The following ANO6 variants were observed in gnomAD, a reference collection of about 807,000 sequenced individuals.
ANO6 encodes the protein anoctamin-6.
ANO6 carries 106 observed loss-of-function variants against 117.5 expected under a neutral mutation model. That is an observed-to-expected ratio of 0.90 (90% confidence interval 0.77 to 1.06). ANO6 has a LOEUF of 1.06. Among genes scored for constraint, ANO6 ranks in the 50% least tolerant of loss-of-function variants. ANO6 has a pLI of 0.00. For missense variants in ANO6, 955 were observed against 1,121.1 expected (o/e 0.85, Z 2.12); for synonymous variants, 367 against 385.1 (o/e 0.95, Z 0.55).
At chr12:45,386,646 T>G (rs1198255675) in intron 10 of ANO6, among the ~76,000 whole-genome samples, 1 of 152,190 alleles carries the variant, frequency 6.6e-6, no homozygotes, top group Non-Finnish European at 1.5e-5. Context: ...TACGTTAAAC[T>G]CTCTAAACTC....
downstream of ANO6, among the ~76,000 whole-genome samples, chr12:45,434,274 C>T (rs948485740): frequency 7.9e-5 from 12 of 152,114 alleles, no homozygotes; most frequent in Non-Finnish European, 1.8e-4. Context: ...TTGTCATTGT[C>T]GCTTGAGGTG....
At chr12:45,424,327 G>GT (rs66945216) in intron 19 of ANO6, among the ~76,000 whole-genome samples, 26,056 of 80,904 alleles carry the variant, frequency 0.32, 8,478 homozygotes, top group Non-Finnish European at 0.44. Flanking sequence ...TAGGTGATGG[G>GT]TTTTTTTTTT....
chr12:45,321,019 C>T (rs966465565), intron 2 of ANO6, among the ~76,000 whole-genome samples: 3 of 151,906 alleles, frequency 2.0e-5, no homozygotes, highest in Admixed American at 6.6e-5. Context: ...TGTCTCTGCA[C>T]GTGAGATGGG....
At chr12:45,356,485 G>C (rs1241563368) in intron 7 of ANO6, among the ~76,000 whole-genome samples, 1 of 152,052 alleles carries the variant, frequency 6.6e-6, no homozygotes, top group East Asian at 1.9e-4. Flanking sequence ...CCAATAACAT[G>C]AACAATCAAT....
intron 1 of ANO6, among the ~76,000 whole-genome samples, chr12:45,269,032 A>G (rs532774812): frequency 6.6e-6 from 1 of 152,114 alleles, no homozygotes; most frequent in Non-Finnish European, 1.5e-5. Context: ...GGATTTGCAG[A>G]CCCTCCAAGC....
At chr12:45,255,353 A>G (rs1937772763) in intron 1 of ANO6, among the ~76,000 whole-genome samples, 1 of 152,122 alleles carries the variant, frequency 6.6e-6, no homozygotes, top group Admixed American at 6.5e-5. Flanking sequence ...TACAACAACA[A>G]TTAGCTGGCC....
intron 1 of ANO6, among the ~76,000 whole-genome samples, chr12:45,221,060 G>GGC (rs1555156318): frequency 4.3e-4 from 47 of 110,274 alleles, no homozygotes; most frequent in African/African-American, 1.8e-3. Flanking sequence ...TGTCGGAAGT[G>GGC]GGGGGGGGCA....
At chr12:45,230,494 A>G (rs1947558434) in intron 1 of ANO6, among the ~76,000 whole-genome samples, 1 of 150,510 alleles carries the variant, frequency 6.6e-6, no homozygotes, top group Admixed American at 6.6e-5. Context: ...TATATAAAAT[A>G]TACAAGGGAT....
chr12:45,328,652 T>C (rs751787280), intron 2 of ANO6, among the ~76,000 whole-genome samples: 6 of 152,182 alleles, frequency 3.9e-5, no homozygotes, highest in Non-Finnish European at 7.3e-5. Flanking sequence ...AGGCTTTTGC[T>C]TCTAATCTTT....
At chr12:45,270,887 T>A (rs886955989) in intron 1 of ANO6, among the ~76,000 whole-genome samples, 2 of 152,066 alleles carry the variant, frequency 1.3e-5, no homozygotes, top group Admixed American at 1.3e-4. Context: ...ACCCAGCTAA[T>A]TTTTGTATTT....
At chr12:45,424,634 G>A (rs1431671432) in intron 19 of ANO6, among the ~76,000 whole-genome samples, 1 of 152,046 alleles carries the variant, frequency 6.6e-6, no homozygotes, top group Middle Eastern at 3.2e-3. Context: ...ACTGCGCCCG[G>A]CCTAGGTGAT....
Position 45,355,658 on chromosome 12 carries a change from G to C in ANO6, c.864-1632G>C, listed in dbSNP as rs534505713. ...TCCATGAGCCAGAGAGCAAAGCTCC[G>C]GTCACGTGAAAATCAGCCCACTGTG... is the stretch of plus-strand genomic sequence containing the variant. On this transcript the variant is annotated intron_variant, in intron 7 of 19. Transcript: ENST00000320560. Among the ~76,000 whole-genome samples the C allele has an allele frequency of 2.0e-4, 30 of 152,194 alleles. 1 individual carries two copies. Among genetic ancestry groups the C allele is most frequent in the Admixed American group, 1.4e-3 (22 of 15,300 alleles).
chr12:45,307,806 A>G (rs1251823420), intron 2 of ANO6, among the ~76,000 whole-genome samples: 1 of 152,070 alleles, frequency 6.6e-6, no homozygotes, highest in Non-Finnish European at 1.5e-5. Context: ...GTGGGAGGAA[A>G]GTGAAGAGTC....
intron 2 of ANO6, among the ~76,000 whole-genome samples, chr12:45,306,529 C>T (rs554971798): frequency 2.6e-4 from 40 of 151,906 alleles, no homozygotes; most frequent in Non-Finnish European, 5.6e-4. Context: ...AGTAATTATC[C>T]CCCTGAGATT....
At chr12:45,322,660 G>A (rs1203755199) in intron 2 of ANO6, among the ~76,000 whole-genome samples, 8 of 152,112 alleles carry the variant, frequency 5.3e-5, no homozygotes, top group Admixed American at 5.2e-4. Flanking sequence ...ATTAGTAGCG[G>A]TCAAGAGCAC....
chr12:45,257,152 A>G (rs1592881808), intron 1 of ANO6, among the ~76,000 whole-genome samples: 1 of 152,174 alleles, frequency 6.6e-6, no homozygotes, highest in African/African-American at 2.4e-5. Flanking sequence ...CGTCTGTTCA[A>G]CTTGAAACAC....
intron 16 of ANO6, among the ~76,000 whole-genome samples, chr12:45,414,924 C>T (rs1328406761): frequency 1.3e-5 from 2 of 152,096 alleles, no homozygotes; most frequent in Admixed American, 1.3e-4. Context: ...CCACCATGCC[C>T]AGCTAATTTT....
chr12:45,229,487 T>A (rs998899340), intron 1 of ANO6, among the ~76,000 whole-genome samples: 13 of 151,514 alleles, frequency 8.6e-5, no homozygotes, highest in African/African-American at 2.9e-4. Context: ...CCTCCTGGGT[T>A]CAAGCGAGTC....
chr12:45,369,777 AAAAT>A (rs1408691630), intron 9 of ANO6, among the ~76,000 whole-genome samples: 3 of 152,224 alleles, frequency 2.0e-5, no homozygotes, highest in Non-Finnish European at 4.4e-5. Flanking sequence ...TAGCAAATTA[AAAAT>A]AGAAATATGA....
Sources: allele counts gnomAD v4.1 joint callset (sites outside exome capture counted in the v4.1 genomes callset), GRCh38; gene constraint gnomAD v4.1.1; transcripts MANE v1.5; gene names NCBI Gene and HGNC (gene_info 2026-07-23, HGNC 2026-07-21).